Variants in CSNK1A1 observed in about 807,000 individuals in gnomAD.
The protein encoded by CSNK1A1 is casein kinase I isoform alpha.
CSNK1A1 carries 7 observed loss-of-function variants against 46.1 expected under a neutral mutation model. That is an observed-to-expected ratio of 0.15 (90% CI 0.09 to 0.29). The LOEUF (loss-of-function observed/expected upper bound fraction) is 0.29. Among genes scored for constraint, CSNK1A1 ranks in the 10% least tolerant of loss-of-function variants. CSNK1A1 has a pLI of 1.00. For missense variants in CSNK1A1, 96 were observed against 417.1 expected (o/e 0.23, Z 6.71); for synonymous variants, 137 against 141.5 (o/e 0.97, Z 0.23).
At chr5:149,538,273 C>T (rs540350171) in intron 2 of CSNK1A1, among the ~76,000 whole-genome samples, 67 of 152,174 alleles carry the variant, frequency 4.4e-4, no homozygotes, top group African/African-American at 1.5e-3. Context: ...CCGCCCGCCT[C>T]GGCCACCCAA....
chr5:149,542,626 A>T (rs1281554690), intron 2 of CSNK1A1, among the ~76,000 whole-genome samples: 15 of 12,732 alleles, frequency 1.2e-3, no homozygotes, highest in African/African-American at 7.8e-3. Flanking sequence ...ATATATATAT[A>T]TATATATATA....
intron 9 of CSNK1A1, among the ~76,000 whole-genome samples, chr5:149,500,572 C>T (rs1372455886): frequency 6.6e-6 from 1 of 152,074 alleles, no homozygotes; most frequent in Non-Finnish European, 1.5e-5. Context: ...CCACCGCACC[C>T]GGCCTTTTTT....
At chr5:149,530,965 C>CAAAAAAAAAAAAA (rs59281087) in intron 2 of CSNK1A1, among the ~76,000 whole-genome samples, 3,499 of 81,374 alleles carry the variant, frequency 0.043, 490 homozygotes, top group East Asian at 0.058. Context: ...GACTCTGTCT[C>CAAAAAAAAAAAAA]AAAAAAAAAA....
chr5:149,513,406 A>G (rs1761294426), intron 4 of CSNK1A1, among the ~76,000 whole-genome samples, 197 bp from the exon 5 acceptor site: 1 of 152,224 alleles, frequency 6.6e-6, no homozygotes, highest in Non-Finnish European at 1.5e-5. Context: ...ATCAAGTTAA[A>G]AAAAAAAAGT....
At chr5:149,534,500 A>G (rs1761999189) in intron 2 of CSNK1A1, among the ~76,000 whole-genome samples, 1 of 136,362 alleles carries the variant, frequency 7.3e-6, no homozygotes, top group Non-Finnish European at 1.6e-5. Context: ...AAAAAAAAAA[A>G]AAAAAAAAGA....
intron 2 of CSNK1A1, among the ~76,000 whole-genome samples, chr5:149,545,123 C>T (rs943704934): frequency 1.8e-4 from 27 of 151,282 alleles, no homozygotes; most frequent in African/African-American, 6.5e-4. Flanking sequence ...AAAAGTTACA[C>T]TTGGATTCCT....
At chr5:149,531,131 T>C (rs1285475643) in intron 2 of CSNK1A1, among the ~76,000 whole-genome samples, 2 of 152,136 alleles carry the variant, frequency 1.3e-5, no homozygotes, top group Admixed American at 6.6e-5. Context: ...ACCAGATACC[T>C]CTTCTCCCCA....
chr5:149,500,443 A>C (rs1352492151), intron 9 of CSNK1A1, among the ~76,000 whole-genome samples: 8 of 146,504 alleles, frequency 5.5e-5, no homozygotes, highest in Non-Finnish European at 1.2e-4. Context: ...GGCCCCAGCT[A>C]CTTTTTTGTA....
chr5:149,550,081 T>C lies in CSNK1A1; in HGVS notation c.224A>G (p.His75Arg). The change falls in exon 2 of 10, where the codon CAC becomes CGC. Residue 75 changes from histidine (H) to arginine (R), a missense_variant. By Grantham distance (29) the His-to-Arg change is conservative (BLOSUM62 0). Coordinates refer to ENST00000377843, the MANE Select transcript of CSNK1A1 (RefSeq NM_001892.6). The surrounding 1 kb of genome is among the most constrained non-coding windows in gnomAD (Gnocchi z 4.3). Reference sequence around the variant, plus strand: ...ATATGCACCGGGTTCTTACCGTATGTGGGGGATGCCAACCCCACCTTGAAG... The same window carrying C: ...ATATGCACCGGGTTCTTACCGTATGCGGGGGATGCCAACCCCACCTTGAAG... ...KILQGGVGIP[H>R]IRWYGQEKDY... 1 of 1,613,466 alleles carries C rather than the reference T, an allele frequency of 6.2e-7. No homozygotes were observed. The highest frequency in any genetic ancestry group is 8.5e-7 in the Non-Finnish European group (1 of 1,179,616).
chr5:149,548,983 G>A lies in CSNK1A1; in HGVS notation c.230+1092C>T, dbSNP rs80199394. Among the ~76,000 whole-genome samples, 2,414 of 152,308 alleles carry A rather than the reference G, an allele frequency of 0.016. 264 individuals carry two copies. In the East Asian group the frequency reaches 0.31, roughly 20 times the overall value. On this transcript the variant is annotated intron_variant, in intron 2 of 9. Coordinates refer to ENST00000377843, the MANE Select transcript of CSNK1A1 (RefSeq NM_001892.6). ...TATATTTTAGTCTCCATTCCATGAA[G>A]AGGATCTTTAATCCCAAAAGTTAAA...
rs1300878661 is a variant in CSNK1A1, at chr5:149,544,809, T to C, written c.230+5266A>G. 6.3e-5 allele frequency among the ~76,000 whole-genome samples: 9 copies of C among 143,104 alleles called. 1 individual carries two copies. Among genetic ancestry groups the C allele is most frequent in the Non-Finnish European group, 1.4e-4 (9 of 66,666 alleles). 93.9% of individuals were successfully genotyped at this position (143,104 alleles called of 152,430 possible). The stretch of plus-strand genomic sequence containing the variant: ...TATTGGTGAAGCTTCCAGTGAACAG[T>C]AGGCTAGTAGTAGTTAAGCTTTTGG... On this transcript the variant is annotated intron_variant, in intron 2 of 9. Transcript: ENST00000377843.
chr5:149,530,372 G>A (rs1304960331), intron 2 of CSNK1A1, among the ~76,000 whole-genome samples: 1 of 152,132 alleles, frequency 6.6e-6, no homozygotes, highest in Non-Finnish European at 1.5e-5. Flanking sequence ...GTTCAAATAA[G>A]CCAAATAATT....
intron 9 of CSNK1A1, chr5:149,504,060 T>C: frequency 1.0e-6 from 1 of 985,446 alleles, no homozygotes; most frequent in Non-Finnish European, 1.2e-6. Context: ...ATTATGAACT[T>C]CTTGGCACTA....
chr5:149,500,598 A>G (rs1323674051), intron 9 of CSNK1A1, among the ~76,000 whole-genome samples: 1 of 151,742 alleles, frequency 6.6e-6, no homozygotes, highest in Non-Finnish European at 1.5e-5. Flanking sequence ...TTTCTTTTTA[A>G]AATTATTTAA....
intron 2 of CSNK1A1, chr5:149,545,675 G>C (rs929096314): frequency 1.7e-5 from 14 of 816,612 alleles, no homozygotes; most frequent in Non-Finnish European, 2.6e-5. Context: ...TTGTTGGCCT[G>C]CATCTTCTTT....
rs528333021 is a variant in CSNK1A1 at position 149,532,345 on chromosome 5, T to C, written c.231-7174A>G. Reference sequence around the variant, plus strand: ...GGAGTGGCTCATGCTGAGATCATACTGTTGCACTCCAGCCTGGGCCACAGA... The same window carrying C: ...GGAGTGGCTCATGCTGAGATCATACCGTTGCACTCCAGCCTGGGCCACAGA... On this transcript the variant is annotated intron_variant, in intron 2 of 9. Transcript: ENST00000377843. 1.2e-4 allele frequency among the ~76,000 whole-genome samples: 18 copies of C among 151,944 alleles called. No homozygotes were observed. In the South Asian group the frequency reaches 3.5e-3, roughly 30 times the overall value.
In CSNK1A1 at chr5:149,494,552, T is replaced by C. The variant is rs187887139; in HGVS notation, c.*2301A>G. The C allele has an allele frequency of 5.9e-5, 9 of 152,348 alleles. No homozygotes were observed. The East Asian group carries it at 1.7e-3, about 29-fold the overall frequency. 9.4% of individuals were successfully genotyped at this position (152,348 alleles called of 1,614,324 possible). On this transcript the variant is annotated 3_prime_UTR_variant, in exon 10 of 10. Transcript: ENST00000377843. ...ATTTCAGAGTGATGTGTCTTCAACT[T>C]GTATCATCATTTTAGCGGAAAAACA...
intron 2 of CSNK1A1, among the ~76,000 whole-genome samples, chr5:149,542,625 T>C (rs1580861441): frequency 7.5e-5 from 1 of 13,402 alleles, no homozygotes; most frequent in African/African-American, 5.7e-4. Context: ...TATATATATA[T>C]ATATATATAT....
At chr5:149,502,685 A>G in intron 9 of CSNK1A1, 1 of 984,844 alleles carries the variant, frequency 1.0e-6, no homozygotes, top group South Asian at 4.7e-5. Context: ...TAAAGTTTTT[A>G]ACAAGAAAAC....
Sources: gnomAD v4.1 joint callset for allele counts (sites outside exome capture counted in the v4.1 genomes callset) on GRCh38, gnomAD v4.1.1 for gene constraint, Gnocchi (gnomAD v3.1) non-coding constraint, MANE v1.5 for transcripts, NCBI Gene and HGNC (gene_info 2026-07-23, HGNC 2026-07-21) for gene names.